The following DOCK5 variants were observed in gnomAD, a reference collection of about 807,000 sequenced individuals.
DOCK5 encodes the protein dedicator of cytokinesis protein 5.
DOCK5 carries 142 observed loss-of-function variants against 251.8 expected under a neutral mutation model. The observed-to-expected ratio is 0.56, with a 90% CI of 0.49 to 0.65. The LOEUF (loss-of-function observed/expected upper bound fraction) is 0.65. DOCK5 is among the 30% of genes least tolerant of loss of function. The pLI, the probability that DOCK5 is intolerant of heterozygous loss-of-function variation, is 0.00. For missense variants in DOCK5, 2,111 were observed against 2,312.3 expected (o/e 0.91, Z 1.79); for synonymous variants, 842 against 835.5 (o/e 1.01, Z -0.13).
intron 2 of DOCK5, among the ~76,000 whole-genome samples, chr8:25,256,778 A>T (rs1803430309): frequency 6.6e-6 from 1 of 151,638 alleles, no homozygotes; most frequent in African/African-American, 2.4e-5. Context: ...GTAACTTTTG[A>T]GTTTGGCCCC....
At chr8:25,191,527 T>C (rs1271631421) in intron 1 of DOCK5, among the ~76,000 whole-genome samples, 1 of 152,252 alleles carries the variant, frequency 6.6e-6, no homozygotes, top group Non-Finnish European at 1.5e-5. Context: ...ATATGGCAAG[T>C]TGTGATAGAT....
At chr8:25,328,842 G>A (rs1805621544) in intron 18 of DOCK5, among the ~76,000 whole-genome samples, 1 of 152,164 alleles carries the variant, frequency 6.6e-6, no homozygotes, top group African/African-American at 2.4e-5. Context: ...TGGGCCAGGA[G>A]GTTCATACTC....
chr8:25,309,953 A>T (rs1393496971), intron 12 of DOCK5, among the ~76,000 whole-genome samples: 1 of 152,242 alleles, frequency 6.6e-6, no homozygotes, highest in African/African-American at 2.4e-5. Context: ...TAATGAAAAT[A>T]CAAGATGGGA....
intron 51 of DOCK5, 147 bp from the exon 52 acceptor site, chr8:25,411,047 T>C: frequency 9.4e-7 from 1 of 1,062,890 alleles, no homozygotes; most frequent in Non-Finnish European, 1.3e-6. Flanking sequence ...GATAAGTCAG[T>C]GTAGTTTTCC....
intron 39 of DOCK5, among the ~76,000 whole-genome samples, chr8:25,381,913 GAAC>G (rs1345016029): frequency 6.6e-6 from 1 of 152,114 alleles, no homozygotes; most frequent in Non-Finnish European, 1.5e-5. Flanking sequence ...CTGAAAAACC[GAAC>G]ATCACCACCA....
At chr8:25,291,225 T>C (rs1259798008) in intron 5 of DOCK5, among the ~76,000 whole-genome samples, 1 of 152,164 alleles carries the variant, frequency 6.6e-6, no homozygotes, top group East Asian at 1.9e-4. Context: ...TTGATATGTT[T>C]GTGAGTATGA....
rs1192216723 is a variant in DOCK5, at chr8:25,311,904, A to AGCCT, written c.1318+1373_1318+1374insCCTG. On this transcript the variant is annotated intron_variant, in intron 13 of 51. Transcript: ENST00000276440. ...ACCACTGCAACCCAGCCTGGGCAAC[A>AGCCT]GAGCAAGACTCTGCCTCCAAAAAAA... Among the ~76,000 whole-genome samples the AGCCT allele has an allele frequency of 4.6e-5, 7 of 151,942 alleles. No individual in the cohort carries two copies. In the East Asian group the frequency reaches 1.2e-3, roughly 25 times the overall value.
intron 8 of DOCK5, among the ~76,000 whole-genome samples, chr8:25,299,989 C>A (rs1024073528): frequency 1.4e-4 from 21 of 152,124 alleles, no homozygotes; most frequent in African/African-American, 5.1e-4. Context: ...GTCGTACAGG[C>A]CCGCATCCTG....
intron 18 of DOCK5, among the ~76,000 whole-genome samples, chr8:25,331,797 TATATAGAG>T (rs1369162294): frequency 3.2e-3 from 127 of 40,070 alleles, no homozygotes; most frequent in Admixed American, 0.016. Context: ...TATATATATA[TATATAGAG>T]AGAGAGAGAG....
At chr8:25,316,728 TA>T (rs934908267) in intron 13 of DOCK5, among the ~76,000 whole-genome samples, 2 of 152,232 alleles carry the variant, frequency 1.3e-5, no homozygotes, top group African/African-American at 4.8e-5. Flanking sequence ...CCTAACAATA[TA>T]TACTATGTAT....
At chr8:25,245,048 A>T (rs1803062800) in intron 2 of DOCK5, among the ~76,000 whole-genome samples, 2 of 152,004 alleles carry the variant, frequency 1.3e-5, no homozygotes, top group Admixed American at 1.3e-4. Context: ...AGCTCTTCCA[A>T]TCTTTTTATT....
intron 28 of DOCK5, among the ~76,000 whole-genome samples, chr8:25,362,290 A>T (rs2117269256): frequency 6.6e-6 from 1 of 152,190 alleles, no homozygotes; most frequent in South Asian, 2.1e-4. Context: ...ATTTCCCCAC[A>T]ATTGTTGGTG....
intron 27 of DOCK5, among the ~76,000 whole-genome samples, chr8:25,353,304 C>T (rs1353200683): frequency 6.6e-6 from 1 of 152,158 alleles, no homozygotes; most frequent in Non-Finnish European, 1.5e-5. Context: ...CTCGCCATTG[C>T]ACTTCAGCCT....
At chr8:25,335,277 G>A (rs1465477939) in intron 21 of DOCK5, among the ~76,000 whole-genome samples, 1 of 152,164 alleles carries the variant, frequency 6.6e-6, no homozygotes, top group African/African-American at 2.4e-5. Context: ...ATCCAGGTGG[G>A]CAATAGCTAC....
At chr8:25,405,676 G>A (rs1231500265) in intron 48 of DOCK5, among the ~76,000 whole-genome samples, 1 of 151,982 alleles carries the variant, frequency 6.6e-6, no homozygotes, top group African/African-American at 2.4e-5. Flanking sequence ...ATTTTTATTA[G>A]GATCATGTTA....
At chr8:25,395,921 C>T in intron 45 of DOCK5, 2 of 693,332 alleles carry the variant, frequency 2.9e-6, no homozygotes, top group Non-Finnish European at 5.1e-6. Flanking sequence ...ATAGAACTTA[C>T]CTAGTAAAGC....
chr8:25,401,751 A>C (rs966202350), intron 47 of DOCK5, among the ~76,000 whole-genome samples: 3 of 152,152 alleles, frequency 2.0e-5, no homozygotes, highest in East Asian at 3.9e-4. Flanking sequence ...ACAAACAAAC[A>C]AACCAAAATA....
chr8:25,289,363 G>A (rs1224728928), intron 5 of DOCK5, among the ~76,000 whole-genome samples: 1 of 151,548 alleles, frequency 6.6e-6, no homozygotes, highest in Non-Finnish European at 1.5e-5. Flanking sequence ...TGTTGCCCAG[G>A]CTGGTCTCAA....
chr8:25,407,603 G>A (rs996344704), intron 48 of DOCK5, among the ~76,000 whole-genome samples: 79 of 152,282 alleles, frequency 5.2e-4, no homozygotes, highest in African/African-American at 1.9e-3. Context: ...CGGGCATGGT[G>A]GCTCACGCCT....
Sources: gnomAD v4.1 joint callset for allele counts (sites outside exome capture counted in the v4.1 genomes callset) on GRCh38, gnomAD v4.1.1 for gene constraint, MANE v1.5 for transcripts, NCBI Gene and HGNC (gene_info 2026-07-23, HGNC 2026-07-21) for gene names.